The following PKD1L1 variants were observed in gnomAD, a reference collection of about 807,000 sequenced individuals.
The protein encoded by PKD1L1 is polycystin 1 like 1, transient receptor potential channel interacting, also known as polycystin-1-like protein 1.
A neutral mutation model predicts 323.4 loss-of-function variants in PKD1L1; 236 were observed. That is an observed-to-expected ratio of 0.73 (90% CI 0.66 to 0.81). The LOEUF (loss-of-function observed/expected upper bound fraction) is 0.81. PKD1L1 is among the 40% of genes least tolerant of loss of function. PKD1L1 has a pLI of 0.00. For synonymous variants in PKD1L1, 1,344 were observed against 1,335.0 expected (o/e 1.01, Z -0.15); for missense variants, 3,320 against 3,508.0 (o/e 0.95, Z 1.35).
intron 45 of PKD1L1, among the ~76,000 whole-genome samples, chr7:47,825,421 C>A (rs1206129474): frequency 2.6e-5 from 4 of 151,748 alleles, no homozygotes; most frequent in African/African-American, 4.8e-5. Flanking sequence ...ATCTCAGCTA[C>A]TTGGGAGGCT....
rs143922827 is a variant in PKD1L1, at chr7:47,858,868, C to T, written c.4167G>A (p.Ala1389=). The change falls in exon 27 of 57, where the codon GCG becomes GCA. Residue 1389 remains alanine, a synonymous_variant. Transcript: ENST00000289672. The stretch of plus-strand genomic sequence containing the variant: ...CCCGGGTGTACTTGAGGATGAGAAC[C>T]GCACTCATAAAGCCTAGCTGCATGA... ...SFSNKLGFMS[A]VLILKYTRAL... The T allele has an allele frequency of 9.3e-6, 15 of 1,612,558 alleles. No homozygotes were observed. The highest frequency in any genetic ancestry group is 5.0e-5 in the Admixed American group (3 of 59,878).
intron 7 of PKD1L1, among the ~76,000 whole-genome samples, chr7:47,915,828 C>A (rs1345255209): frequency 1.3e-5 from 2 of 151,524 alleles, no homozygotes; most frequent in Admixed American, 6.6e-5. Context: ...CATCTCTATG[C>A]AAAAAAATGT....
rs1788102992 is a variant in PKD1L1, at chr7:47,946,627, C to A, written c.44+1770G>T. 1.3e-5 allele frequency among the ~76,000 whole-genome samples: 2 copies of A among 151,670 alleles called. No individual in the cohort carries two copies. The highest frequency in any genetic ancestry group is 1.3e-4 in the Admixed American group (2 of 15,226). The stretch of plus-strand genomic sequence containing the variant: ...TACCACACATACACCACACACTACA[C>A]ACAGACCACACACCACACCACCCAC... On this transcript the variant is annotated intron_variant, in intron 1 of 56. Transcript: ENST00000289672. The surrounding 1 kb of genome is among the most constrained non-coding windows in gnomAD (Gnocchi z 4.1).
At position 47,829,616 on chromosome 7, in the gene PKD1L1, A is replaced by G; in HGVS notation, c.6559-15T>C. 6.3e-7 allele frequency: 1 copy of G among 1,597,760 alleles called. No homozygotes were observed. The highest frequency in any genetic ancestry group is 8.5e-7 in the Non-Finnish European group (1 of 1,173,222). ...ATGAGGCATACCTGGAAGGAAAAAC[A>G]TGACAGCGCAGAGAGCCGCCCTATG... On this transcript the variant is annotated splice_polypyrimidine_tract_variant and intron_variant, in intron 43 of 56. Coordinates refer to ENST00000289672, the MANE Select transcript of PKD1L1 (RefSeq NM_138295.5).
intron 52 of PKD1L1, among the ~76,000 whole-genome samples, chr7:47,805,695 G>A (rs537057059): frequency 2.6e-5 from 4 of 152,198 alleles, no homozygotes; most frequent in African/African-American, 7.2e-5. Context: ...TTGGAGGGCC[G>A]TTCCATTGCA....
chr7:47,902,478 G>C lies in PKD1L1; in HGVS notation c.1965C>G (p.Phe655Leu), dbSNP rs778340475. 2.2e-5 allele frequency: 35 copies of C among 1,613,974 alleles called. No homozygotes were observed. Among genetic ancestry groups the C allele is most frequent in the Non-Finnish European group, 2.9e-5 (34 of 1,179,948 alleles). ...TTAGAGTGGAGGCACTGACATTATTGAAGGCAAGGACCTCCACTGTAAATT... is the reference window on the plus strand; with the variant it reads ...TTAGAGTGGAGGCACTGACATTATTCAAGGCAAGGACCTCCACTGTAAATT... ...EGEFTVEVLAFNNVSASTLRQ... is the reference protein window; with the variant it reads ...EGEFTVEVLALNNVSASTLRQ... The change falls in exon 13 of 57, where the codon TTC becomes TTG. Residue 655 changes from phenylalanine to leucine, a missense_variant. By Grantham distance (22) the Phe-to-Leu change is conservative (BLOSUM62 0). Coordinates refer to ENST00000289672, the MANE Select transcript of PKD1L1 (RefSeq NM_138295.5).
chr7:47,826,999 T>G (rs1785250375), intron 45 of PKD1L1, among the ~76,000 whole-genome samples: 1 of 152,214 alleles, frequency 6.6e-6, no homozygotes, highest in African/African-American at 2.4e-5. Flanking sequence ...GACCATGTGC[T>G]AAGCACACGT....
intron 31 of PKD1L1, among the ~76,000 whole-genome samples, chr7:47,851,732 A>G (rs1464370851): frequency 6.6e-6 from 1 of 152,184 alleles, no homozygotes; most frequent in Non-Finnish European, 1.5e-5. Context: ...TATGCTGCCA[A>G]TCATCTGTGA....
At chr7:47,813,396 C>G in intron 48 of PKD1L1, 103 bp from the exon 49 acceptor site, 1 of 1,230,504 alleles carries the variant, frequency 8.1e-7, no homozygotes, top group Non-Finnish European at 1.2e-6. Context: ...CTGCTCTGTC[C>G]TGCAACATGG....
At chr7:47,834,414 A>G (rs1456462281) in intron 39 of PKD1L1, 29 bp from the exon 40 acceptor site, 1 of 1,599,820 alleles carries the variant, frequency 6.3e-7, no homozygotes, top group Admixed American at 1.7e-5. Flanking sequence ...AATCCAATGT[A>G]CGATGCTTTG....
intron 14 of PKD1L1, among the ~76,000 whole-genome samples, chr7:47,897,158 T>A (rs150235645): frequency 4.3e-4 from 66 of 152,300 alleles, no homozygotes; most frequent in African/African-American, 1.5e-3. Flanking sequence ...CAGCACAGAT[T>A]GGGAGGATTT....
At chr7:47,910,607 G>A (rs1460617753) in intron 8 of PKD1L1, among the ~76,000 whole-genome samples, 1 of 151,438 alleles carries the variant, frequency 6.6e-6, no homozygotes, top group African/African-American at 2.4e-5. Context: ...CAAAGTGGTG[G>A]GATTACAGGC....
Position 47,940,250 on chromosome 7 carries a change from A to G in PKD1L1, c.228T>C (p.Asn76=), listed in dbSNP as rs1360186482. Residue 76 remains asparagine, a synonymous_variant, in exon 3 of 57, where the codon AAT becomes AAC. Transcript: ENST00000289672. ...GKCGCPWCAL[N]GKAEDRESQS... ...GTGATTCCCGGTCTTCTGCCTTTCCATTCAGAGCACACCAAGGACAGCCAC... is the reference window on the plus strand; with the variant it reads ...GTGATTCCCGGTCTTCTGCCTTTCCGTTCAGAGCACACCAAGGACAGCCAC... 11 of 1,614,002 alleles carry G rather than the reference A, an allele frequency of 6.8e-6. No homozygotes were observed. Among genetic ancestry groups the G allele is most frequent in the Non-Finnish European group, 8.5e-6 (10 of 1,180,026 alleles).
intron 45 of PKD1L1, among the ~76,000 whole-genome samples, chr7:47,822,633 G>C (rs1009478342): frequency 7.0e-6 from 1 of 142,912 alleles, no homozygotes; most frequent in Non-Finnish European, 1.5e-5. Flanking sequence ...CTGTGGTATT[G>C]CATTGAAACT....
At chr7:47,888,273 G>T in intron 16 of PKD1L1, 123 bp from the exon 17 acceptor site, 1 of 968,376 alleles carries the variant, frequency 1.0e-6, no homozygotes, top group Non-Finnish European at 1.5e-6. Context: ...GACTTCAATA[G>T]CAATGTCACA....
chr7:47,918,927 C>CA (rs1787483243), intron 7 of PKD1L1, among the ~76,000 whole-genome samples: 1 of 151,964 alleles, frequency 6.6e-6, no homozygotes, highest in African/African-American at 2.4e-5. Flanking sequence ...TGAAAGAGCA[C>CA]AAACAGACAA....
chr7:47,952,661 T>C (rs991207782), upstream of PKD1L1, among the ~76,000 whole-genome samples: 1 of 152,210 alleles, frequency 6.6e-6, no homozygotes, highest in African/African-American at 2.4e-5. Context: ...CAATCATCTG[T>C]GAGGCTCAAT....
At chr7:47,824,344 C>A (rs578040307) in intron 45 of PKD1L1, among the ~76,000 whole-genome samples, 39 of 152,164 alleles carry the variant, frequency 2.6e-4, no homozygotes, top group Non-Finnish European at 4.7e-4. Context: ...TCTCTCATAT[C>A]AAGAATTCCA....
chr7:47,857,960 C>T, intron 27 of PKD1L1, 128 bp from the exon 28 acceptor site: 1 of 844,418 alleles, frequency 1.2e-6, no homozygotes, highest in Non-Finnish European at 1.8e-6. Context: ...TGGCAGGAAG[C>T]AAGAGCGCAG....
Sources: gnomAD v4.1 joint callset for allele counts (sites outside exome capture counted in the v4.1 genomes callset) on GRCh38, gnomAD v4.1.1 for gene constraint, Gnocchi (gnomAD v3.1) non-coding constraint, MANE v1.5 for transcripts, NCBI Gene and HGNC (gene_info 2026-07-23, HGNC 2026-07-21) for gene names.